Variants in RREB1 observed in about 807,000 individuals in gnomAD.
RREB1 encodes ras responsive element binding protein 1.
RREB1 carries 27 observed loss-of-function variants against 117.8 expected under a neutral mutation model. The ratio of observed to expected loss-of-function variants is 0.23; its 90% CI spans 0.17 to 0.32. The LOEUF (loss-of-function observed/expected upper bound fraction) is 0.32. Ranked by LOEUF, RREB1 falls within the 10% of genes least tolerant of loss-of-function variation. The pLI is 1.00. For synonymous variants in RREB1, 1,298 were observed against 1,026.7 expected, an observed-to-expected ratio of 1.26 and a Z score of -5.05; for missense variants, 2,577 against 2,378.2, an observed-to-expected ratio of 1.08 and a Z score of -1.74.
At chr6:7,208,645 G>T (rs1402481633) in intron 6 of RREB1, among the ~76,000 whole-genome samples, 2 of 152,218 alleles carry the variant, frequency 1.3e-5, no homozygotes, top group East Asian at 1.9e-4. Context: ...CCACTTCTAG[G>T]AGTGATGCAG....
At chr6:7,205,362 T>C (rs935803521) in intron 6 of RREB1, among the ~76,000 whole-genome samples, 7 of 152,230 alleles carry the variant, frequency 4.6e-5, no homozygotes, top group African/African-American at 1.7e-4. Context: ...GTCCCCATTT[T>C]ACCAGTGTGG....
chr6:7,196,218 G>GTTTTT (rs58448175), intron 6 of RREB1, among the ~76,000 whole-genome samples: 22 of 121,472 alleles, frequency 1.8e-4, no homozygotes, highest in Admixed American at 1.7e-4. Context: ...TTTTTTTTTC[G>GTTTTT]TTTTTTTTTT....
chr6:7,154,471 G>A (rs184160814), intron 1 of RREB1, among the ~76,000 whole-genome samples: 247 of 152,322 alleles, frequency 1.6e-3, no homozygotes, highest in Middle Eastern at 6.8e-3. Flanking sequence ...TAATGTGAAC[G>A]TACAGTATGT....
intron 6 of RREB1, among the ~76,000 whole-genome samples, chr6:7,202,008 G>C (rs955211501): frequency 6.6e-6 from 1 of 152,168 alleles, no homozygotes; most frequent in Non-Finnish European, 1.5e-5. Flanking sequence ...GGGCTCTGTC[G>C]CCTGGTTGGT....
intron 1 of RREB1, among the ~76,000 whole-genome samples, chr6:7,161,825 T>C (rs758880529): frequency 1.5e-4 from 23 of 152,174 alleles, no homozygotes; most frequent in African/African-American, 4.8e-4. Flanking sequence ...CCACCAGCTG[T>C]AGTGCCCCTG....
intron 6 of RREB1, among the ~76,000 whole-genome samples, chr6:7,204,503 G>A (rs9405331): frequency 0.61 from 93,152 of 151,984 alleles, 29,689 homozygotes; most frequent in African/African-American, 0.77. Flanking sequence ...AATCTTATTC[G>A]TTCCCTCTTT....
chr6:7,246,008 A>G (rs1768992745), intron 11 of RREB1, among the ~76,000 whole-genome samples: 1 of 152,148 alleles, frequency 6.6e-6, no homozygotes, highest in African/African-American at 2.4e-5. Flanking sequence ...GCATGTTTGT[A>G]TGATCTCTTT....
At chr6:7,173,030 C>T (rs554459870) in intron 1 of RREB1, among the ~76,000 whole-genome samples, 9 of 152,240 alleles carry the variant, frequency 5.9e-5, no homozygotes, top group East Asian at 1.9e-4. Flanking sequence ...TGTAGCCTGT[C>T]GTGGGTTGGC....
At chr6:7,240,297 TAA>T in intron 10 of RREB1, 139 bp from the exon 11 acceptor site, 1 of 497,778 alleles carries the variant, frequency 2.0e-6, no homozygotes, top group Non-Finnish European at 3.4e-6. Flanking sequence ...TTTTTTTTTC[TAA>T]TGTGTTTTGT....
chr6:7,220,701 C>T (rs541137568), intron 8 of RREB1, among the ~76,000 whole-genome samples: 1 of 152,308 alleles, frequency 6.6e-6, no homozygotes, highest in East Asian at 1.9e-4. Context: ...TCTTGCAAAA[C>T]GAAATTGTCC....
chr6:7,160,502 A>C (rs190087388), intron 1 of RREB1, among the ~76,000 whole-genome samples: 1 of 152,056 alleles, frequency 6.6e-6, no homozygotes, highest in Admixed American at 6.6e-5. Context: ...ACATTTTCCC[A>C]TGTTTTCACA....
At chr6:7,206,403 G>A (rs192794184) in intron 6 of RREB1, among the ~76,000 whole-genome samples, 5 of 152,358 alleles carry the variant, frequency 3.3e-5, no homozygotes, top group Admixed American at 2.0e-4. Context: ...TACTCTGAGT[G>A]AAGCAAACAT....
At chr6:7,204,939 C>T (rs1158580878) in intron 6 of RREB1, among the ~76,000 whole-genome samples, 1 of 152,146 alleles carries the variant, frequency 6.6e-6, no homozygotes, top group African/African-American at 2.4e-5. Context: ...AAGGATTTTG[C>T]CCCCAAAAGA....
At chr6:7,168,447 CCATTGCCGGACT>C (rs1764063776) in intron 1 of RREB1, among the ~76,000 whole-genome samples, 1 of 152,056 alleles carries the variant, frequency 6.6e-6, no homozygotes, top group Non-Finnish European at 1.5e-5. Flanking sequence ...GGTCTCCCAC[CCATTGCCGGACT>C]GGGGTTTTTT....
chr6:7,117,158 A>G lies in RREB1; in HGVS notation c.-285+9098A>G, dbSNP rs192545725. ...GTATGTGCAGTATACACGTGGTAAT[A>G]GTTGATTTTAGATCATATTTATAAA... On this transcript the variant is annotated intron_variant, in intron 1 of 12. Coordinates refer to ENST00000379938, the MANE Select transcript of RREB1 (RefSeq NM_001003699.4). Among the ~76,000 whole-genome samples, 616 of 152,312 alleles carry G rather than the reference A, an allele frequency of 4.0e-3. 4 individuals carry two copies. The highest frequency in any genetic ancestry group is 7.1e-3 in the Non-Finnish European group (482 of 68,014).
chr6:7,139,325 G>C (rs1762467574), intron 1 of RREB1: 1 of 152,158 alleles, frequency 6.6e-6, no homozygotes, highest in Non-Finnish European at 1.5e-5. Context: ...TTTTAACTGA[G>C]GTAATTGGAG....
intron 11 of RREB1, among the ~76,000 whole-genome samples, chr6:7,242,120 C>A (rs1048061454): frequency 1.3e-5 from 2 of 152,240 alleles, no homozygotes; most frequent in African/African-American, 4.8e-5. Context: ...GCGAAAGCAG[C>A]CGGTAACTGA....
intron 1 of RREB1, among the ~76,000 whole-genome samples, chr6:7,129,375 G>A (rs1762063542): frequency 6.6e-6 from 1 of 152,216 alleles, no homozygotes; most frequent in South Asian, 2.1e-4. Flanking sequence ...AAGTGGTAGG[G>A]AGTCCAAAGT....
At chr6:7,232,797 A>G (rs1259467940) in intron 10 of RREB1, among the ~76,000 whole-genome samples, 1 of 138,960 alleles carries the variant, frequency 7.2e-6, no homozygotes, top group Non-Finnish European at 1.5e-5. Flanking sequence ...AAAGAGTCTC[A>G]CTATATTGCT....
Sources: gnomAD v4.1 joint callset for allele counts (sites outside exome capture counted in the v4.1 genomes callset) on GRCh38, gnomAD v4.1.1 for gene constraint, MANE v1.5 for transcripts, NCBI Gene and HGNC (gene_info 2026-07-23, HGNC 2026-07-21) for gene names.